HCN3: variants seen among roughly 807,000 people sequenced by gnomAD.
HCN3 encodes the protein potassium/sodium hyperpolarization-activated cyclic nucleotide-gated channel 3.
A neutral mutation model predicts 56.8 loss-of-function variants in HCN3; 36 were observed. The observed-to-expected ratio is 0.63, with a 90% CI of 0.49 to 0.84. The LOEUF is 0.84. Among genes scored for constraint, HCN3 ranks in the 40% least tolerant of loss-of-function variants. The probability of loss-of-function intolerance (pLI) is 0.00; values close to 1 mark genes in which losing one functional copy is unlikely to be tolerated. For missense variants in HCN3, 930 were observed against 1,079.3 expected, an observed-to-expected ratio of 0.86 and a Z score of 1.94; for synonymous variants, 425 against 439.7, an observed-to-expected ratio of 0.97 and a Z score of 0.42.
rs1341617430 is a variant in HCN3, at chr1:155,285,108, C to T, written c.1090-57C>T. 9 of 1,589,174 alleles carry T rather than the reference C, an allele frequency of 5.7e-6. No individual in the cohort carries two copies. The highest frequency in any genetic ancestry group is 4.0e-5 in the African/African-American group (3 of 74,418). ...CCTTCCGCACACACACCCCACTGTGCCGGCCCCAAATCTCTCCCTCTGTCC... is the reference window on the plus strand; with the variant it reads ...CCTTCCGCACACACACCCCACTGTGTCGGCCCCAAATCTCTCCCTCTGTCC... On this transcript the variant is annotated intron_variant, in intron 4 of 7. Transcript: ENST00000368358. This position sits in a 1 kb window ranked among gnomAD's most constrained non-coding sequence, Gnocchi z 4.5.
chr1:155,282,296 C>A lies in HCN3; in HGVS notation c.279-115C>A. Reference sequence around the variant, plus strand: ...TATACTCCCAACAGCTGTAAACAGTCATTCTGTTATTGTGTATCTTTGCCC... The same window carrying A: ...TATACTCCCAACAGCTGTAAACAGTAATTCTGTTATTGTGTATCTTTGCCC... On this transcript the variant is annotated intron_variant, in intron 1 of 7. Coordinates refer to ENST00000368358, the MANE Select transcript of HCN3 (RefSeq NM_020897.3). The surrounding 1 kb of genome is among the most constrained non-coding windows in gnomAD (Gnocchi z 4.7). The A allele has an allele frequency of 1.0e-6, 1 of 959,628 alleles. No homozygotes were observed. The highest frequency in any genetic ancestry group is 1.5e-5 in the South Asian group (1 of 64,644). The allele number at this position is 959,628 out of a possible 1,614,324, so 59.4% of individuals were successfully genotyped here.
chr1:155,285,856 C>T lies in HCN3; in HGVS notation c.1369C>T (p.Arg457Cys), dbSNP rs766375702. The change falls in exon 6 of 8, where the codon CGT becomes TGT. Residue 457 changes from arginine (R) to cysteine (C), a missense_variant. Physicochemically the swap from Arg to Cys is radical, Grantham distance 180. Coordinates refer to ENST00000368358, the MANE Select transcript of HCN3 (RefSeq NM_020897.3). This position sits in a 1 kb window ranked among gnomAD's most constrained non-coding sequence, Gnocchi z 4.5. ...EVFQPGDLVV[R>C]EGSVGRKMYF... ...CTTCCAGCCGGGGGATCTCGTGGTG[C>T]GTGAGGGCTCCGTGGGGAGGAAGAT... 5.5e-5 allele frequency: 88 copies of T among 1,614,108 alleles called. No homozygotes were observed. Among genetic ancestry groups the T allele is most frequent in the Non-Finnish European group, 7.3e-5 (86 of 1,180,034 alleles).
chr1:155,282,942 GC>G lies in HCN3; in HGVS notation c.708+103del. The G allele has an allele frequency of 8.2e-7, 1 of 1,219,516 alleles. No homozygotes were observed. The highest frequency in any genetic ancestry group is 2.6e-5 in the East Asian group (1 of 39,210). The allele number at this position is 1,219,516 out of a possible 1,614,324, so 75.5% of individuals were successfully genotyped here. Reference sequence around the variant, plus strand: ...TCTCTAGGAAGATGCTATGGGTGGGGCTCCTGGTGACCTTATAGTGTGGGGA... The same window carrying G: ...TCTCTAGGAAGATGCTATGGGTGGGGTCCTGGTGACCTTATAGTGTGGGGA... On this transcript the variant is annotated intron_variant, in intron 2 of 7. Coordinates refer to ENST00000368358, the MANE Select transcript of HCN3 (RefSeq NM_020897.3). This position sits in a 1 kb window ranked among gnomAD's most constrained non-coding sequence, Gnocchi z 4.7.
In HCN3 at chr1:155,277,568, A is replaced by G; in HGVS notation, c.-23A>G. On this transcript the variant is annotated 5_prime_UTR_variant, in exon 1 of 8. Coordinates refer to ENST00000368358, the MANE Select transcript of HCN3 (RefSeq NM_020897.3). Reference sequence around the variant, plus strand: ...GGCCACAGAGGGCTCTAGGAGGCCGAGCGTGTAAGCGGGGTGGGCGCCATG... The same window carrying G: ...GGCCACAGAGGGCTCTAGGAGGCCGGGCGTGTAAGCGGGGTGGGCGCCATG... 2.6e-6 allele frequency: 4 copies of G among 1,551,994 alleles called. No individual in the cohort carries two copies. The highest frequency in any genetic ancestry group is 3.5e-6 in the Non-Finnish European group (4 of 1,150,380).
intron 1 of HCN3, among the ~76,000 whole-genome samples, chr1:155,281,864 T>G (rs1258474765): frequency 1.3e-5 from 2 of 152,136 alleles, no homozygotes; most frequent in Admixed American, 1.3e-4. Context: ...TAGCTGGGAC[T>G]TTAGGTGTGC....
intron 1 of HCN3, among the ~76,000 whole-genome samples, chr1:155,280,736 C>CTTT (rs1557945237): frequency 9.5e-6 from 1 of 104,872 alleles, no homozygotes; most frequent in Non-Finnish European, 1.9e-5. Flanking sequence ...CCACGCCCAG[C>CTTT]TATTTTTTTT....
rs898118641 is a variant in HCN3 at position 155,287,926 on chromosome 1, T to C, written c.1788T>C (p.Leu596=). The change falls in exon 8 of 8, where the codon CTT becomes CTC. Residue 596 remains leucine (L), a synonymous_variant. Transcript: ENST00000368358. ...RGRAPSTGAQ[L]SGKPVLWEPL... is the part of the protein sequence containing the mutation. ...GGGCCCCGAGCACAGGAGCTCAGCT[T>C]AGTGGAAAGCCAGTACTGTGGGAGC... 1.4e-5 allele frequency: 23 copies of C among 1,613,982 alleles called. No individual in the cohort carries two copies. Among genetic ancestry groups the C allele is most frequent in the Non-Finnish European group, 1.9e-5 (23 of 1,180,012 alleles).
chr1:155,288,596 C>A lies in HCN3; in HGVS notation c.*133C>A. ...ATGTCGACCCTGTGCGGACATTCCG[C>A]ATACTGCCATGAAGACGGTCTCTGT... On this transcript the variant is annotated 3_prime_UTR_variant, in exon 8 of 8. Transcript: ENST00000368358. This position sits in a 1 kb window ranked among gnomAD's most constrained non-coding sequence, Gnocchi z 6.5. The A allele has an allele frequency of 8.8e-7, 1 of 1,136,258 alleles. No individual in the cohort carries two copies. The highest frequency in any genetic ancestry group is 1.2e-6 in the Non-Finnish European group (1 of 813,644). 70.4% of individuals were successfully genotyped at this position (1,136,258 alleles called of 1,614,324 possible).
At chr1:155,278,803 C>A (rs886744790) in intron 1 of HCN3, among the ~76,000 whole-genome samples, 1 of 152,200 alleles carries the variant, frequency 6.6e-6, no homozygotes, top group African/African-American at 2.4e-5. Context: ...GCCTCGTTCC[C>A]ACCCAGCCAG....
chr1:155,281,124 A>C (rs1176333339), intron 1 of HCN3, among the ~76,000 whole-genome samples: 1 of 139,044 alleles, frequency 7.2e-6, no homozygotes, highest in South Asian at 2.3e-4. Flanking sequence ...AGGCTGGAGT[A>C]CAGTGGCGTG....
chr1:155,287,242 C>G lies in HCN3; in HGVS notation c.1547C>G (p.Ser516Ter). The change falls in exon 7 of 8, where the codon TCA becomes TGA. Residue 516 changes from serine to a stop codon, truncating the protein, a stop_gained. Transcript: ENST00000368358. LOFTEE classifies it high-confidence loss of function. ...VRADTYCRLY[S>*]LSVDHFNAVL... is the part of the protein sequence containing the mutation. The stretch of plus-strand genomic sequence containing the variant: ...GCTGACACCTACTGCCGCCTTTACT[C>G]ACTCAGCGTGGACCATTTCAATGCT... 6.2e-7 allele frequency: 1 copy of G among 1,614,070 alleles called. No homozygotes were observed. Among genetic ancestry groups the G allele is most frequent in the Non-Finnish European group, 8.5e-7 (1 of 1,179,970 alleles).
At position 155,287,961 on chromosome 1, in the gene HCN3, A is replaced by T; in HGVS notation, c.1823A>T (p.His608Leu). 6.2e-7 allele frequency: 1 copy of T among 1,613,992 alleles called. No homozygotes were observed. Among genetic ancestry groups the T allele is most frequent in the East Asian group, 2.2e-5 (1 of 44,854 alleles). Residue 608 changes from histidine (H) to leucine (L), a missense_variant, in exon 8 of 8, where the codon CAT becomes CTT. Transcript: ENST00000368358. ...GKPVLWEPLV[H>L]APLQAAAVTS... ...CCAGTACTGTGGGAGCCACTGGTAC[A>T]TGCGCCCCTTCAGGCAGCTGCTGTG...
Position 155,287,215 on chromosome 1 carries a change from G to T in HCN3, c.1520G>T (p.Arg507Leu). Reference protein sequence around the residue: ...LTRGRRTASVRADTYCRLYSL... With the variant: ...LTRGRRTASVLADTYCRLYSL... ...AGGGGCCGGCGCACAGCCAGTGTTC[G>T]GGCTGACACCTACTGCCGCCTTTAC... Residue 507 changes from arginine (R) to leucine (L), a missense_variant, in exon 7 of 8, where the codon CGG (arginine) becomes CTG (leucine). Physicochemically the swap from Arg to Leu is moderately radical, Grantham distance 102 (BLOSUM62 -2). Transcript: ENST00000368358. 1 of 1,613,890 alleles carries T rather than the reference G, an allele frequency of 6.2e-7. No individual in the cohort carries two copies.
Position 155,277,639 on chromosome 1 carries a change from C to G in HCN3, c.49C>G (p.Pro17Ala). ...GGCGGGGGCCAGCGAAGGGGCGACC[C>G]CTGGACTGGAGGCGGTGCCTCCCGT... ...PAAGASEGAT[P>A]GLEAVPPVAP... The change falls in exon 1 of 8, where the codon CCT becomes GCT. Residue 17 changes from proline to alanine, a missense_variant. Pro to Ala is a conservative substitution (Grantham distance 27). Coordinates refer to ENST00000368358, the MANE Select transcript of HCN3 (RefSeq NM_020897.3). 6.4e-7 allele frequency: 1 copy of G among 1,555,122 alleles called. No homozygotes were observed. The highest frequency in any genetic ancestry group is 8.7e-7 in the Non-Finnish European group (1 of 1,150,666).
chr1:155,281,402 G>C (rs897685237), intron 1 of HCN3, among the ~76,000 whole-genome samples: 5 of 146,666 alleles, frequency 3.4e-5, no homozygotes, highest in African/African-American at 1.3e-4. Context: ...GAGTCTCACT[G>C]TTGTCACCCA....
intron 1 of HCN3, among the ~76,000 whole-genome samples, chr1:155,279,075 G>A (rs1171298040): frequency 1.3e-5 from 2 of 152,196 alleles, no homozygotes; most frequent in Non-Finnish European, 2.9e-5. Context: ...AATGGCCGAG[G>A]GTTTTTGTTT....
rs118001822 is a variant in HCN3 at position 155,285,656 on chromosome 1, G to C, written c.1237-68G>C. The C allele has an allele frequency of 5.7e-6, 9 of 1,585,068 alleles. No individual in the cohort carries two copies. Among genetic ancestry groups the C allele is most frequent in the Non-Finnish European group, 7.7e-6 (9 of 1,163,018 alleles). On this transcript the variant is annotated intron_variant, in intron 5 of 7. Transcript: ENST00000368358. This position sits in a 1 kb window ranked among gnomAD's most constrained non-coding sequence, Gnocchi z 4.5. Reference sequence around the variant, plus strand: ...CCCCAGGGGTGGGGTTTCTGGAAGCGGATGAGCTCGGTGGGATCATCTCAG... The same window carrying C: ...CCCCAGGGGTGGGGTTTCTGGAAGCCGATGAGCTCGGTGGGATCATCTCAG...
chr1:155,287,540 G>A (rs1415157057), intron 7 of HCN3, among the ~76,000 whole-genome samples: 1 of 151,900 alleles, frequency 6.6e-6, no homozygotes, highest in Non-Finnish European at 1.5e-5. Context: ...AGCATCCCAA[G>A]CCCCCATGTC....
rs546034164 is a variant in HCN3, at chr1:155,285,222, C to T, written c.1147C>T (p.Arg383Cys). ...FHKLPADTRQRIHEYYEHRYQ... is the reference protein window; with the variant it reads ...FHKLPADTRQCIHEYYEHRYQ... ...CAAGCTGCCAGCAGACACGCGGCAG[C>T]GCATCCACGAGTACTATGAGCACCG... Residue 383 changes from arginine (R) to cysteine (C), a missense_variant, in exon 5 of 8, where the codon CGC becomes TGC. Transcript: ENST00000368358. This position sits in a 1 kb window ranked among gnomAD's most constrained non-coding sequence, Gnocchi z 4.5. 3.7e-6 allele frequency: 6 copies of T among 1,614,124 alleles called. No homozygotes were observed. The highest frequency in any genetic ancestry group is 1.7e-5 in the Admixed American group (1 of 60,016).
Sources: gnomAD v4.1 joint callset for allele counts (sites outside exome capture counted in the v4.1 genomes callset) on GRCh38, gnomAD v4.1.1 for gene constraint, Gnocchi (gnomAD v3.1) non-coding constraint, MANE v1.5 for transcripts, NCBI Gene and HGNC (gene_info 2026-07-23, HGNC 2026-07-21) for gene names.